Variants in ZNF799 observed in about 807,000 individuals in gnomAD.
The protein encoded by ZNF799 is zinc finger protein 14.
In ZNF799, 28 loss-of-function variants were observed where a neutral mutation model predicts 41.0. The ratio of observed to expected loss-of-function variants is 0.68; its 90% confidence interval spans 0.51 to 0.94. The LOEUF (loss-of-function observed/expected upper bound fraction) is 0.94. Among genes scored for constraint, ZNF799 ranks in the 40% least tolerant of loss-of-function variants. The pLI, the probability that ZNF799 is intolerant of heterozygous loss-of-function variation, is 0.00. For missense variants in ZNF799, 716 were observed against 764.3 expected (o/e 0.94, Z 0.74); for synonymous variants, 213 against 252.9 (o/e 0.84, Z 1.50).
At chr19:12,394,728 T>TATTCATG (rs1363116035) in intron 1 of ZNF799, 49 of 985,122 alleles carry the variant, frequency 5.0e-5, no homozygotes, top group Non-Finnish European at 5.7e-5. Context: ...TGAATATTTA[T>TATTCATG]AATACTTACT....
At chr19:12,408,014 G>C in the ZNF799 span, among the ~76,000 whole-genome samples, 1 of 151,922 alleles carries the variant, frequency 6.6e-6, no homozygotes, top group Non-Finnish European at 1.5e-5. Flanking sequence ...AAAATATCTT[G>C]GGCATGGTGG....
chr19:12,400,929 G>A, intron 1 of ZNF799, 139 bp downstream of exon 1: 1 of 1,517,662 alleles, frequency 6.6e-7, no homozygotes, highest in Non-Finnish European at 9.1e-7. Flanking sequence ...CTGCGGCCGA[G>A]GGCCGACCTA....
At position 12,390,778 on chromosome 19, in the gene ZNF799, T is replaced by C. The variant is rs749001467; in HGVS notation, c.1620A>G (p.Ala540=). The C allele has an allele frequency of 6.2e-7, 1 of 1,614,194 alleles. No homozygotes were observed. The highest frequency in any genetic ancestry group is 8.5e-7 in the Non-Finnish European group (1 of 1,180,014). ...GTAGAAAGCAAGTGAGCCAAGAGAA[T>C]GCTTTCCCACATTCCTTACATTCAT... ...KPYECKECGK[A]FSWLTCFLRH... is the part of the protein sequence containing the mutation. The change falls in exon 4 of 4, where the codon GCA becomes GCG. Residue 540 remains alanine, a synonymous_variant. Coordinates refer to ENST00000430385, the MANE Select transcript of ZNF799 (RefSeq NM_001080821.3).
the ZNF799 span, among the ~76,000 whole-genome samples, chr19:12,414,700 T>C: frequency 6.6e-6 from 1 of 152,188 alleles, no homozygotes. Context: ...GGCAACAGTC[T>C]TCTATAAAGG....
the ZNF799 span, among the ~76,000 whole-genome samples, chr19:12,413,887 C>G: frequency 6.6e-6 from 1 of 152,180 alleles, no homozygotes; most frequent in Admixed American, 6.5e-5. Flanking sequence ...CTGGGTCCTG[C>G]CCCAGCTGGT....
intron 1 of ZNF799, among the ~76,000 whole-genome samples, chr19:12,399,643 CT>C (rs35008340): frequency 0.015 from 1,985 of 128,826 alleles, 88 homozygotes; most frequent in African/African-American, 0.049. Context: ...TGTGGACACC[CT>C]TTTTTTTTTT....
intron 1 of ZNF799, chr19:12,400,688 A>C (rs1478020816): frequency 9.8e-6 from 4 of 406,434 alleles, no homozygotes; most frequent in Non-Finnish European, 1.3e-5. Context: ...TCCCTCAGGG[A>C]GGCGGATCTG....
Position 12,392,312 on chromosome 19 carries a change from G to T in ZNF799, c.192-106C>A, listed in dbSNP as rs1366685722. 2.7e-6 allele frequency: 4 copies of T among 1,486,750 alleles called. No homozygotes were observed. In the African/African-American group the frequency reaches 4.2e-5, roughly 16 times the overall value. The allele number at this position is 1,486,750 out of a possible 1,614,324, so 92.1% of individuals were successfully genotyped here. A position where few individuals can be genotyped will look rare whatever the true frequency, so the allele number is the denominator to read the frequency against. On this transcript the variant is annotated intron_variant, in intron 3 of 3. Coordinates refer to ENST00000430385, the MANE Select transcript of ZNF799 (RefSeq NM_001080821.3). Reference sequence around the variant, plus strand: ...TTTAACACTATCATGCAAAGTGCAGGCTTCGTGTCCTGCTTGAACGTGAAT... The same window carrying T: ...TTTAACACTATCATGCAAAGTGCAGTCTTCGTGTCCTGCTTGAACGTGAAT...
chr19:12,410,174 T>TAC, the ZNF799 span, among the ~76,000 whole-genome samples: 1 of 68,746 alleles, frequency 1.5e-5, no homozygotes, highest in Non-Finnish European at 2.7e-5. Flanking sequence ...AATATATATA[T>TAC]ATACATACAT....
chr19:12,393,850 A>G (rs1599606423), intron 1 of ZNF799: 2 of 695,490 alleles, frequency 2.9e-6, no homozygotes, highest in Non-Finnish European at 3.7e-6. Context: ...TAGACAGTGT[A>G]TTTAGGGGAG....
the ZNF799 span, among the ~76,000 whole-genome samples, chr19:12,411,759 C>T: frequency 0.33 from 50,514 of 151,650 alleles, 8,971 homozygotes; most frequent in South Asian, 0.51. Context: ...ACTACAGATG[C>T]GCACCACCAC....
chr19:12,399,878 A>G (rs547428200), intron 1 of ZNF799, among the ~76,000 whole-genome samples: 16 of 151,472 alleles, frequency 1.1e-4, no homozygotes, highest in East Asian at 3.9e-4. Flanking sequence ...TGGAACTACT[A>G]AGATTAAGCA....
At chr19:12,407,477 G>C in the ZNF799 span, among the ~76,000 whole-genome samples, 1 of 146,214 alleles carries the variant, frequency 6.8e-6, no homozygotes, top group South Asian at 2.1e-4. Flanking sequence ...AAAAAAGAGA[G>C]AGAGAGAGAA....
At chr19:12,393,605 G>A in intron 1 of ZNF799, 182 bp from the exon 2 acceptor site, 1 of 1,457,996 alleles carries the variant, frequency 6.9e-7, no homozygotes, top group Non-Finnish European at 9.0e-7. Flanking sequence ...TGAAGCTACA[G>A]TTAAACATGT....
intron 1 of ZNF799, among the ~76,000 whole-genome samples, chr19:12,397,178 A>T (rs8101782): frequency 3.5e-5 from 5 of 144,348 alleles, no homozygotes; most frequent in Non-Finnish European, 7.8e-5. Flanking sequence ...TTACCCCAAA[A>T]GCCAGTACAG....
upstream of ZNF799, among the ~76,000 whole-genome samples, chr19:12,403,053 C>T (rs1970009136): frequency 6.6e-6 from 1 of 152,302 alleles, no homozygotes; most frequent in Non-Finnish European, 1.5e-5. Context: ...AGTGAAGCCA[C>T]TGGGTTCTGG....
upstream of ZNF799, among the ~76,000 whole-genome samples, chr19:12,406,163 T>C (rs1476651988): frequency 2.6e-5 from 3 of 117,374 alleles, no homozygotes; most frequent in South Asian, 2.6e-4. Flanking sequence ...AGTTGGACTC[T>C]GTCTCAAAAA....
chr19:12,405,319 T>C (rs1970022364), upstream of ZNF799, among the ~76,000 whole-genome samples: 1 of 152,138 alleles, frequency 6.6e-6, no homozygotes, highest in African/African-American at 2.4e-5. Context: ...GAAAATTTCC[T>C]CTAGTAAACT....
chr19:12,403,984 TC>T (rs1294702067), upstream of ZNF799, among the ~76,000 whole-genome samples: 1 of 152,242 alleles, frequency 6.6e-6, no homozygotes, highest in Non-Finnish European at 1.5e-5. Context: ...CTTTACAATT[TC>T]CTTCTTAATT....
Sources: allele counts gnomAD v4.1 joint callset (sites outside exome capture counted in the v4.1 genomes callset), GRCh38; gene constraint gnomAD v4.1.1; transcripts MANE v1.5; gene names NCBI Gene and HGNC (gene_info 2026-07-23, HGNC 2026-07-21).